ATP6V0A4: variants seen among roughly 807,000 people sequenced by gnomAD.
The protein encoded by ATP6V0A4 is V-type proton ATPase 116 kDa subunit a 4.
A neutral mutation model predicts 107.3 loss-of-function variants in ATP6V0A4; 86 were observed. The observed-to-expected ratio is 0.80, with a 90% CI of 0.67 to 0.96. The LOEUF (loss-of-function observed/expected upper bound fraction) is 0.96. Among genes scored for constraint, ATP6V0A4 ranks in the 40% least tolerant of loss-of-function variants. ATP6V0A4 has a pLI of 0.00. For synonymous variants in ATP6V0A4, 353 were observed against 381.4 expected (o/e 0.93, Z 0.87); for missense variants, 908 against 1,045.6 (o/e 0.87, Z 1.81).
At chr7:138,776,894 C>A (rs1807683926) in intron 2 of ATP6V0A4, among the ~76,000 whole-genome samples, 2 of 152,132 alleles carry the variant, frequency 1.3e-5, no homozygotes. Flanking sequence ...CGCCTGTAAT[C>A]CCAGCAGTTT....
Position 138,732,912 on chromosome 7 carries a change from T to G in ATP6V0A4, c.1873A>C (p.Ser625Arg). The change falls in exon 17 of 22, where the codon AGT becomes CGT. Residue 625 changes from serine (S) to arginine (R), a missense_variant. Physicochemically the swap from Ser to Arg is moderately radical, Grantham distance 110 (BLOSUM62 -1). Coordinates refer to ENST00000310018, the MANE Select transcript of ATP6V0A4 (RefSeq NM_020632.3). ...TAGAGGGGTGCGTTGGAAGAGTCACTGTAGTTAAACAGAAACATGTTGATG... is the reference window on the plus strand; with the variant it reads ...TAGAGGGGTGCGTTGGAAGAGTCACGGTAGTTAAACAGAAACATGTTGATG... ...HFINMFLFNY[S>R]DSSNAPLYKH... 6.2e-7 allele frequency: 1 copy of G among 1,612,530 alleles called. No homozygotes were observed. Among genetic ancestry groups the G allele is most frequent in the Non-Finnish European group, 8.5e-7 (1 of 1,179,718 alleles).
chr7:138,743,598 A>G (rs1210476140), intron 14 of ATP6V0A4, among the ~76,000 whole-genome samples: 1 of 152,228 alleles, frequency 6.6e-6, no homozygotes, highest in African/African-American at 2.4e-5. Flanking sequence ...TTGGTGAGCC[A>G]GTAAGACCCG....
chr7:138,777,995 A>C (rs574470438), intron 2 of ATP6V0A4, among the ~76,000 whole-genome samples: 1 of 152,342 alleles, frequency 6.6e-6, no homozygotes, highest in Non-Finnish European at 1.5e-5. Context: ...TCGCAATCAA[A>C]ACTCAGGCAC....
At chr7:138,714,387 T>C (rs1803921176) in intron 20 of ATP6V0A4, among the ~76,000 whole-genome samples, 2 of 152,040 alleles carry the variant, frequency 1.3e-5, no homozygotes, top group African/African-American at 4.8e-5. Flanking sequence ...TGAGTCATGA[T>C]TCCTGACGTT....
intron 19 of ATP6V0A4, among the ~76,000 whole-genome samples, chr7:138,719,890 T>TGGTG (rs1804345818): frequency 6.6e-6 from 1 of 151,788 alleles, no homozygotes; most frequent in South Asian, 2.1e-4. Flanking sequence ...CCAGGCATGG[T>TGGTG]GGTGGGTGCC....
intron 1 of ATP6V0A4, among the ~76,000 whole-genome samples, chr7:138,788,127 T>G (rs1351310000): frequency 1.3e-5 from 2 of 152,234 alleles, no homozygotes; most frequent in East Asian, 3.8e-4. Flanking sequence ...CTTGACTATC[T>G]GGTTCGCTTC....
chr7:138,785,198 T>C (rs1808120978), intron 2 of ATP6V0A4, among the ~76,000 whole-genome samples: 1 of 152,130 alleles, frequency 6.6e-6, no homozygotes, highest in Admixed American at 6.5e-5. Context: ...TTTTCTGAAC[T>C]GAATTCCCTC....
chr7:138,759,875 G>A lies in ATP6V0A4; in HGVS notation c.516C>T (p.Phe172=). 3 of 1,614,084 alleles carry A rather than the reference G, an allele frequency of 1.9e-6. No homozygotes were observed. Among genetic ancestry groups the A allele is most frequent in the Non-Finnish European group, 2.5e-6 (3 of 1,180,016 alleles). ...VPAYMTGKLG[F]IAGVINRERM... ...TCTCCCTGTTGATCACACCGGCTAT[G>A]AACCTAGGCAGCCAGAAGGGAAGAC... The change falls in exon 8 of 22, where the codon TTC becomes TTT. Residue 172 remains phenylalanine, a synonymous_variant. Transcript: ENST00000310018.
At chr7:138,743,886 T>C (rs768188863) in intron 14 of ATP6V0A4, among the ~76,000 whole-genome samples, 36 of 152,314 alleles carry the variant, frequency 2.4e-4, no homozygotes, top group Middle Eastern at 3.4e-3. Context: ...ATCAAGAGGC[T>C]GTCGCAATTT....
intron 8 of ATP6V0A4, among the ~76,000 whole-genome samples, chr7:138,758,579 G>A (rs557070474): frequency 6.6e-6 from 1 of 152,148 alleles, no homozygotes; most frequent in East Asian, 1.9e-4. Flanking sequence ...AGCAACATCC[G>A]ACAGAATTCA....
intron 3 of ATP6V0A4, among the ~76,000 whole-genome samples, chr7:138,769,875 C>T (rs189167988): frequency 1.5e-3 from 222 of 152,132 alleles, no homozygotes; most frequent in Middle Eastern, 6.8e-3. Flanking sequence ...CCCAGGAGTT[C>T]GAGACCAACC....
At chr7:138,748,725 C>T (rs1806079863) in intron 12 of ATP6V0A4, among the ~76,000 whole-genome samples, 1 of 152,074 alleles carries the variant, frequency 6.6e-6, no homozygotes, top group African/African-American at 2.4e-5. Context: ...ATTTTATTAA[C>T]CAAGGTAGCA....
At chr7:138,715,716 G>A (rs767215394) in intron 20 of ATP6V0A4, 48 bp downstream of exon 20, 7 of 1,595,832 alleles carry the variant, frequency 4.4e-6, no homozygotes, top group Non-Finnish European at 6.0e-6. Context: ...CCTATTTCCT[G>A]GGGTGTTGGG....
chr7:138,754,582 T>A (rs1806414129), intron 10 of ATP6V0A4, among the ~76,000 whole-genome samples: 1 of 152,144 alleles, frequency 6.6e-6, no homozygotes, highest in African/African-American at 2.4e-5. Flanking sequence ...AGTTGACTTC[T>A]ACCACAGCCA....
At chr7:138,721,801 T>C (rs995911222) in intron 19 of ATP6V0A4, 96 bp downstream of exon 19, 6 of 1,422,316 alleles carry the variant, frequency 4.2e-6, no homozygotes, top group Admixed American at 3.5e-5. Flanking sequence ...TACTGCCCCG[T>C]GGGGCCCTCC....
intron 14 of ATP6V0A4, among the ~76,000 whole-genome samples, chr7:138,742,517 G>GTGTTTGTT (rs375582932): frequency 2.6e-5 from 4 of 152,060 alleles, no homozygotes; most frequent in African/African-American, 7.2e-5. Context: ...AAGAATGAAT[G>GTGTTTGTT]TGTTTGTTTG....
At chr7:138,718,365 G>A (rs367630051) in intron 19 of ATP6V0A4, among the ~76,000 whole-genome samples, 18 of 123,618 alleles carry the variant, frequency 1.5e-4, no homozygotes, top group South Asian at 9.9e-4. Flanking sequence ...AAGGAAGGGG[G>A]GAATGCAGTC....
At chr7:138,729,525 A>G (rs955118944) in intron 17 of ATP6V0A4, among the ~76,000 whole-genome samples, 1 of 152,114 alleles carries the variant, frequency 6.6e-6, no homozygotes, top group Non-Finnish European at 1.5e-5. Context: ...TGCGGTCTTC[A>G]GGCCTCTGCT....
chr7:138,706,773 A>G, intron 21 of ATP6V0A4, 56 bp from the exon 22 acceptor site: 1 of 1,602,800 alleles, frequency 6.2e-7, no homozygotes. Context: ...CACATCAGTT[A>G]GAGGCTGGAA....
Sources: allele counts gnomAD v4.1 joint callset (sites outside exome capture counted in the v4.1 genomes callset), GRCh38; gene constraint gnomAD v4.1.1; transcripts MANE v1.5; gene names NCBI Gene and HGNC (gene_info 2026-07-23, HGNC 2026-07-21).